Variants in NF1 observed in about 807,000 individuals in gnomAD.
The protein encoded by NF1 is neurofibromin 1.
A neutral mutation model predicts 325.7 loss-of-function variants in NF1; 122 were observed. The ratio of observed to expected loss-of-function variants is 0.37; its 90% CI spans 0.32 to 0.44. The LOEUF (loss-of-function observed/expected upper bound fraction) is 0.44. Ranked by LOEUF, NF1 falls within the 20% of genes least tolerant of loss-of-function variation. The probability of loss-of-function intolerance (pLI) is 1.00; values close to 1 mark genes in which losing one functional copy is unlikely to be tolerated. For missense variants in NF1, 2,140 were observed against 3,415.4 expected (o/e 0.63, Z 9.31); for synonymous variants, 1,091 against 1,186.0 (o/e 0.92, Z 1.65).
rs536838645 is a variant in NF1 at position 31,121,697 on chromosome 17, A to G, written c.60+26328A>G. ...TTGAGATAATCGTGTGGTTTTTGTC[A>G]TTGGTTCTGTTTATGTGATGGATTA... On this transcript the variant is annotated intron_variant, in intron 1 of 57. Coordinates refer to ENST00000358273, the MANE Select transcript of NF1 (RefSeq NM_001042492.3). Among the ~76,000 whole-genome samples, 4 of 152,066 alleles carry G rather than the reference A, an allele frequency of 2.6e-5. No individual in the cohort carries two copies. In the South Asian group the frequency reaches 8.3e-4, roughly 32 times the overall value.
intron 42 of NF1, among the ~76,000 whole-genome samples, chr17:31,337,150 A>G (rs995390969): frequency 3.5e-4 from 54 of 152,332 alleles, no homozygotes; most frequent in African/African-American, 1.3e-3. Context: ...TAAGCGGAAT[A>G]CTCAGTGCCA....
rs1414521347 is a variant in NF1, at chr17:31,349,116, G to A, written c.7190-4G>A. ...TTGTTTGTTTGTTTGTTTGTTTTTTGTAGGGTACAGGCATCCTTCACCTGC... is the reference window on the plus strand; with the variant it reads ...TTGTTTGTTTGTTTGTTTGTTTTTTATAGGGTACAGGCATCCTTCACCTGC... On this transcript the variant is annotated splice_region_variant and splice_polypyrimidine_tract_variant and intron_variant, in intron 48 of 57. Transcript: ENST00000358273. The A allele has an allele frequency of 2.5e-6, 4 of 1,579,614 alleles. No homozygotes were observed. The highest frequency in any genetic ancestry group is 3.4e-6 in the Non-Finnish European group (4 of 1,161,910).
At chr17:31,355,868 A>G (rs2070257453) in intron 51 of NF1, 1 of 154,930 alleles carries the variant, frequency 6.5e-6, no homozygotes. Flanking sequence ...AATAGTGTTA[A>G]TACATGATTA....
At chr17:31,179,705 C>T (rs1014051712) in intron 5 of NF1, among the ~76,000 whole-genome samples, 1 of 151,908 alleles carries the variant, frequency 6.6e-6, no homozygotes, top group Non-Finnish European at 1.5e-5. Context: ...ATGGCGTGCA[C>T]CCGGGAGGCA....
At chr17:31,318,695 C>T in intron 36 of NF1, 3 of 1,614,092 alleles carry the variant, frequency 1.9e-6, no homozygotes, top group Non-Finnish European at 2.5e-6. Flanking sequence ...ATGCTCTGTA[C>T]TGTTGAAGGA....
At chr17:31,210,329 T>C (rs1395442035) in intron 12 of NF1, among the ~76,000 whole-genome samples, 1 of 152,206 alleles carries the variant, frequency 6.6e-6, no homozygotes, top group Non-Finnish European at 1.5e-5. Flanking sequence ...ATGCCTATAA[T>C]ACCAGCACTT....
At chr17:31,293,178 C>CAAAAAAGAAAAAAAAAAAAAAAAAAAAAA (rs2068380794) in intron 36 of NF1, among the ~76,000 whole-genome samples, 1 of 64,844 alleles carries the variant, frequency 1.5e-5, no homozygotes, top group Admixed American at 2.3e-4. Flanking sequence ...GACTTCGTCT[C>CAAAAAAGAAAAAAAAAAAAAAAAAAAAAA]AAAAAAAAAA....
At chr17:31,260,288 G>A (rs1321507084) in intron 33 of NF1, 81 bp from the exon 34 acceptor site, 4 of 1,431,320 alleles carry the variant, frequency 2.8e-6, no homozygotes, top group Middle Eastern at 3.5e-4. Flanking sequence ...ACTTCACAAA[G>A]TTACTTCTTA....
chr17:31,185,997 G>A (rs1008620457), intron 8 of NF1, among the ~76,000 whole-genome samples: 1 of 152,176 alleles, frequency 6.6e-6, no homozygotes, highest in African/African-American at 2.4e-5. Flanking sequence ...GGTGGAAACG[G>A]AATGTTTAAC....
Position 31,373,249 on chromosome 17 carries a change from T to A in NF1, c.8378-764T>A, listed in dbSNP as rs534467797. Among the ~76,000 whole-genome samples, 7 of 152,312 alleles carry A rather than the reference T, an allele frequency of 4.6e-5. No homozygotes were observed. In the East Asian group the frequency reaches 1.3e-3, roughly 29 times the overall value. On this transcript the variant is annotated intron_variant, in intron 57 of 57. Coordinates refer to ENST00000358273, the MANE Select transcript of NF1 (RefSeq NM_001042492.3). The stretch of plus-strand genomic sequence containing the variant: ...AAAGCATCTTGAGTTTTCTTTGAAG[T>A]GACAAATTTGCTGGAAAGATCAGTA...
chr17:31,244,840 T>C (rs959286360), intron 29 of NF1, among the ~76,000 whole-genome samples: 1 of 152,204 alleles, frequency 6.6e-6, no homozygotes, highest in Non-Finnish European at 1.5e-5. Flanking sequence ...TTGTTCAAGT[T>C]GGTGTTCCAA....
chr17:31,240,968 C>T lies in NF1; in HGVS notation c.3974+4947C>T, dbSNP rs545304478. On this transcript the variant is annotated intron_variant, in intron 29 of 57. Coordinates refer to ENST00000358273, the MANE Select transcript of NF1 (RefSeq NM_001042492.3). ...TCTTGGCTCACTGCAACCTCTGCCT[C>T]CTGGGTTCAAGTGATTCTCCTGCCA... is the stretch of plus-strand genomic sequence containing the variant. Among the ~76,000 whole-genome samples, 4 of 152,252 alleles carry T rather than the reference C, an allele frequency of 2.6e-5. No individual in the cohort carries two copies. The East Asian group carries it at 7.7e-4, about 29-fold the overall frequency.
intron 12 of NF1, among the ~76,000 whole-genome samples, chr17:31,210,166 C>T (rs2066702494): frequency 6.6e-6 from 1 of 152,158 alleles, no homozygotes; most frequent in Non-Finnish European, 1.5e-5. Context: ...AAAGCAGTAG[C>T]TTTGTCTGGC....
chr17:31,318,386 G>C (rs1281144171), intron 36 of NF1: 2 of 1,613,996 alleles, frequency 1.2e-6, no homozygotes, highest in South Asian at 2.2e-5. Flanking sequence ...CCAGTAGATT[G>C]CATCACTAGG....
At position 31,142,833 on chromosome 17, in the gene NF1, C is replaced by T. The variant is rs1916327669; in HGVS notation, c.61-13150C>T. Reference sequence around the variant, plus strand: ...AGTGAACCGAGATCGCGCCACTGTACTCCAGCCTGGGCGATAGAGCGAGAC... The same window carrying T: ...AGTGAACCGAGATCGCGCCACTGTATTCCAGCCTGGGCGATAGAGCGAGAC... On this transcript the variant is annotated intron_variant, in intron 1 of 57. Coordinates refer to ENST00000358273, the MANE Select transcript of NF1 (RefSeq NM_001042492.3). Among the ~76,000 whole-genome samples, 3 of 151,196 alleles carry T rather than the reference C, an allele frequency of 2.0e-5. No homozygotes were observed. The South Asian group carries it at 6.3e-4, about 32-fold the overall frequency.
At chr17:31,105,458 G>C (rs1010072693) in intron 1 of NF1, among the ~76,000 whole-genome samples, 1 of 152,094 alleles carries the variant, frequency 6.6e-6, no homozygotes, top group Non-Finnish European at 1.5e-5. Flanking sequence ...TCCACAAGCT[G>C]TCGCCTGCCC....
chr17:31,232,039 C>G (rs752708498), intron 24 of NF1, 34 bp from the exon 25 acceptor site: 1 of 1,002,054 alleles, frequency 1.0e-6, no homozygotes, highest in Non-Finnish European at 1.4e-6. Context: ...TTCATGGTCT[C>G]TAAATTTTTT....
At position 31,226,701 on chromosome 17, in the gene NF1, G is replaced by GT. The variant is rs768340418; in HGVS notation, c.2251+25dup. On this transcript the variant is annotated intron_variant, in intron 18 of 57. Transcript: ENST00000358273. ...TGTCAACAGGTAAATGTGAATAGTG[G>GT]TTTTTTTTACTCAGTCTGCCTCAAA... 68 of 1,612,834 alleles carry GT rather than the reference G, an allele frequency of 4.2e-5. No homozygotes were observed. Among genetic ancestry groups the GT allele is most frequent in the Admixed American group, 2.5e-4 (15 of 59,958 alleles).
chr17:31,193,616 C>T (rs564994718), intron 8 of NF1, among the ~76,000 whole-genome samples: 108 of 151,910 alleles, frequency 7.1e-4, no homozygotes, highest in Non-Finnish European at 1.3e-3. Flanking sequence ...AGTATGTATC[C>T]AGCAGAGGAT....
Sources: gnomAD v4.1 joint callset for allele counts (sites outside exome capture counted in the v4.1 genomes callset) on GRCh38, gnomAD v4.1.1 for gene constraint, MANE v1.5 for transcripts, NCBI Gene and HGNC (gene_info 2026-07-23, HGNC 2026-07-21) for gene names.